Variants in ZNF487 observed in about 807,000 individuals in gnomAD.
ZNF487 encodes the protein zinc finger protein 487.
ZNF487 carries 4 observed loss-of-function variants against 3.0 expected under a neutral mutation model. The observed-to-expected ratio is 1.35, with a 90% CI of 0.66 to 3.08. The LOEUF (loss-of-function observed/expected upper bound fraction) is 3.08, where lower values mean the gene tolerates loss of function less well. ZNF487 is among the 30% of genes most tolerant of loss of function. The probability of loss-of-function intolerance (pLI) is 0.01; values close to 1 mark genes in which losing one functional copy is unlikely to be tolerated. For synonymous variants in ZNF487, 55 were observed against 34.6 expected (o/e 1.59, Z -2.06); for missense variants, 146 against 98.7 (o/e 1.48, Z -2.03).
chr10:43,520,140 T>C, the ZNF487 span, among the ~76,000 whole-genome samples: 1 of 152,236 alleles, frequency 6.6e-6, no homozygotes, highest in Non-Finnish European at 1.5e-5. Context: ...AATATTAGAC[T>C]ATCTAATACC....
intron 1 of ZNF487, among the ~76,000 whole-genome samples, chr10:43,451,070 C>G (rs1839990904): frequency 6.6e-6 from 1 of 151,868 alleles, no homozygotes; most frequent in South Asian, 2.1e-4. Context: ...CCCCAGCCTC[C>G]CTAATAGCTG....
In ZNF487 at chr10:43,476,133, G is replaced by A; in HGVS notation, c.61G>A (p.Val21Ile). ...ATATTGCATTACCAAACCAGAGGTGGTTTGCAAGTTGGAGCATGGACAGGT... is the reference window on the plus strand; with the variant it reads ...ATATTGCATTACCAAACCAGAGGTGATTTGCAAGTTGGAGCATGGACAGGT... ...VGYCITKPEV[V>I]CKLEHGQVLW... The change falls in exon 3 of 4, where the codon GTT (valine) becomes ATT (isoleucine). Residue 21 changes from valine to isoleucine, a missense_variant. Coordinates refer to ENST00000437590, the MANE Select transcript of ZNF487 (RefSeq NM_001355444.3). 1.4e-6 allele frequency: 1 copy of A among 717,516 alleles called. No homozygotes were observed. The highest frequency in any genetic ancestry group is 2.6e-6 in the Non-Finnish European group (1 of 385,098). The allele number at this position is 717,516 out of a possible 1,614,324, so 44.4% of individuals were successfully genotyped here. A position where few individuals can be genotyped will look rare whatever the true frequency, so the allele number is the denominator to read the frequency against.
At chr10:43,488,008 CAGG>C (rs1564432838), downstream of ZNF487, among the ~76,000 whole-genome samples, 1 of 148,422 alleles carries the variant, frequency 6.7e-6, no homozygotes, top group Non-Finnish European at 1.5e-5. Context: ...CAGGCTGAGG[CAGG>C]AGAATTGCTT....
chr10:43,467,631 A>G (rs1840755522), intron 1 of ZNF487, among the ~76,000 whole-genome samples: 1 of 151,810 alleles, frequency 6.6e-6, no homozygotes, highest in Non-Finnish European at 1.5e-5. Flanking sequence ...AGCCTGGCAA[A>G]CATGGTGAAA....
chr10:43,486,798 A>G (rs1841475377), downstream of ZNF487, among the ~76,000 whole-genome samples: 1 of 152,212 alleles, frequency 6.6e-6, no homozygotes, highest in Admixed American at 6.5e-5. Context: ...AACCTCTTTC[A>G]GCTTATGACA....
the ZNF487 span, among the ~76,000 whole-genome samples, chr10:43,495,266 C>T: frequency 1.7e-3 from 253 of 146,084 alleles, 1 homozygote; most frequent in African/African-American, 6.1e-3. Flanking sequence ...TTATTAGAGA[C>T]GGAGTCTTGC....
chr10:43,497,770 A>G, the ZNF487 span, among the ~76,000 whole-genome samples: 1 of 151,800 alleles, frequency 6.6e-6, no homozygotes, highest in Non-Finnish European at 1.5e-5. Flanking sequence ...GATCGAGACC[A>G]TCCTGGCCAA....
intron 1 of ZNF487, among the ~76,000 whole-genome samples, chr10:43,456,951 G>A (rs1840227851): frequency 6.6e-6 from 1 of 152,152 alleles, no homozygotes; most frequent in African/African-American, 2.4e-5. Flanking sequence ...TCCAGATACC[G>A]AGAGCTTCCC....
At chr10:43,463,232 C>G (rs1840497820) in intron 1 of ZNF487, among the ~76,000 whole-genome samples, 1 of 140,960 alleles carries the variant, frequency 7.1e-6, no homozygotes, top group South Asian at 2.3e-4. Context: ...AAAACTCCAT[C>G]TCAAAAAAAA....
chr10:43,518,265 C>T, the ZNF487 span, among the ~76,000 whole-genome samples: 19 of 152,288 alleles, frequency 1.2e-4, no homozygotes, highest in African/African-American at 4.1e-4. Context: ...AAAAGGCATT[C>T]AATGAAAGTT....
At chr10:43,521,925 A>G in the ZNF487 span, among the ~76,000 whole-genome samples, 103,694 of 151,436 alleles carry the variant, frequency 0.68, 35,877 homozygotes, top group East Asian at 1. Flanking sequence ...ATACAAAAAG[A>G]GTTGTGTGAG....
chr10:43,498,499 G>A, the ZNF487 span, among the ~76,000 whole-genome samples: 1 of 150,852 alleles, frequency 6.6e-6, no homozygotes, highest in Non-Finnish European at 1.5e-5. Context: ...GGCTGGTCAC[G>A]AACTCCTGAC....
chr10:43,441,034 A>ATTTTTTTTTTTTTTTTT lies in ZNF487; in HGVS notation c.-94+3790_-94+3806dup, dbSNP rs763451709. On this transcript the variant is annotated intron_variant, in intron 1 of 3. Transcript: ENST00000437590. ...GGTAAATGCTACCACACCTGGTTAA[A>ATTTTTTTTTTTTTTTTT]TTTTTTTTTTTTTTTTTTTTTTTTT... Among the ~76,000 whole-genome samples the ATTTTTTTTTTTTTTTTT allele has an allele frequency of 9.9e-4, 44 of 44,548 alleles. 10 individuals are homozygous for ATTTTTTTTTTTTTTTTT. Among genetic ancestry groups the ATTTTTTTTTTTTTTTTT allele is most frequent in the African/African-American group, 4.0e-3 (38 of 9,418 alleles). 29.2% of individuals were successfully genotyped at this position (44,548 alleles called of 152,430 possible). A position where few individuals can be genotyped will look rare whatever the true frequency, so the allele number is the denominator to read the frequency against.
At chr10:43,475,929 T>C in intron 2 of ZNF487, 82 bp downstream of exon 2, 1 of 663,142 alleles carries the variant, frequency 1.5e-6, no homozygotes, top group Non-Finnish European at 2.8e-6. Context: ...TTTGTATGAA[T>C]ATGAGTTAAA....
At chr10:43,436,893 T>A (rs1564408373), upstream of ZNF487, 1 of 469,200 alleles carries the variant, frequency 2.1e-6, no homozygotes, top group East Asian at 7.0e-5. Flanking sequence ...TTCGCTTTCG[T>A]GGGGAAGCCG....
intron 1 of ZNF487, among the ~76,000 whole-genome samples, chr10:43,475,300 G>A (rs1217077397): frequency 1.3e-5 from 2 of 152,054 alleles, no homozygotes; most frequent in South Asian, 2.1e-4. Context: ...CAGGAGGATC[G>A]CTTGAGCCTG....
chr10:43,514,924 C>A, the ZNF487 span, among the ~76,000 whole-genome samples: 1 of 152,176 alleles, frequency 6.6e-6, no homozygotes, highest in Non-Finnish European at 1.5e-5. Context: ...TCTCCCTAAG[C>A]CTTTGTATCC....
the ZNF487 span, among the ~76,000 whole-genome samples, chr10:43,510,271 T>C: frequency 1.3e-4 from 20 of 152,226 alleles, no homozygotes; most frequent in African/African-American, 4.6e-4. Flanking sequence ...GTATTCCCTT[T>C]GCCTTCAGCA....
At chr10:43,450,185 T>C (rs1839957423) in intron 1 of ZNF487, among the ~76,000 whole-genome samples, 1 of 152,014 alleles carries the variant, frequency 6.6e-6, no homozygotes. Context: ...CTGGGATTAT[T>C]GGCATGTGCC....
Sources: allele counts gnomAD v4.1 joint callset (sites outside exome capture counted in the v4.1 genomes callset), GRCh38; gene constraint gnomAD v4.1.1; transcripts MANE v1.5; gene names NCBI Gene and HGNC (gene_info 2026-07-23, HGNC 2026-07-21).